Variants in USP47 observed in about 807,000 individuals in gnomAD.
The protein encoded by USP47 is ubiquitin specific peptidase 47.
Under a neutral mutation model 165.1 loss-of-function variants are expected in USP47, and 35 were observed. That is an observed-to-expected ratio of 0.21 (90% CI 0.16 to 0.28). The LOEUF (loss-of-function observed/expected upper bound fraction) is 0.28. Among genes scored for constraint, USP47 ranks in the 10% least tolerant of loss-of-function variants. The pLI is 1.00. For synonymous variants in USP47, 531 were observed against 544.5 expected (o/e 0.98, Z 0.35); for missense variants, 1,277 against 1,607.4 (o/e 0.79, Z 3.52).
chr11:11,930,667 C>A, intron 13 of USP47, 29 bp from the exon 14 acceptor site: 1 of 1,521,394 alleles, frequency 6.6e-7, no homozygotes, highest in South Asian at 1.2e-5. Flanking sequence ...ACTTTTTGTC[C>A]TTATTAATCT....
Position 11,930,662 on chromosome 11 carries a change from T to G in USP47, c.1596-34T>G. ...AAGTGGAATCTTTTTAATCTACTTT[T>G]TGTCCTTATTAATCTTTTTTATGTT... is the stretch of plus-strand genomic sequence containing the variant. On this transcript the variant is annotated intron_variant, in intron 13 of 27. Transcript: ENST00000527733. 3 of 1,479,346 alleles carry G rather than the reference T, an allele frequency of 2.0e-6. No homozygotes were observed. In the East Asian group the frequency reaches 6.9e-5, roughly 34 times the overall value. The allele number at this position is 1,479,346 out of a possible 1,614,324, so 91.6% of individuals were successfully genotyped here. A position where few individuals can be genotyped will look rare whatever the true frequency, so the allele number is the denominator to read the frequency against.
intron 4 of USP47, among the ~76,000 whole-genome samples, chr11:11,896,599 C>T (rs895947499): frequency 1.3e-5 from 2 of 152,264 alleles, no homozygotes; most frequent in Admixed American, 6.5e-5. Flanking sequence ...ACACATTGCC[C>T]TCTCATGTGC....
intron 10 of USP47, among the ~76,000 whole-genome samples, chr11:11,922,185 A>C (rs73413229): frequency 0.062 from 9,415 of 152,028 alleles, 908 homozygotes; most frequent in African/African-American, 0.21. Flanking sequence ...TAAAGTAGAA[A>C]AGTATAATGT....
At chr11:11,867,143 C>T (rs1849734587) in intron 1 of USP47, among the ~76,000 whole-genome samples, 2 of 152,154 alleles carry the variant, frequency 1.3e-5, no homozygotes, top group Non-Finnish European at 2.9e-5. Flanking sequence ...GTGATGCGCC[C>T]ACCCGGCCCT....
At chr11:11,955,673 A>G (rs1856517648) in intron 27 of USP47, among the ~76,000 whole-genome samples, 1 of 152,246 alleles carries the variant, frequency 6.6e-6, no homozygotes, top group East Asian at 1.9e-4. Flanking sequence ...TAAAATTGCA[A>G]CAATGATGTC....
In USP47 at chr11:11,958,060, A is replaced by G. The variant is rs184696375; in HGVS notation, c.*1885A>G. 8.5e-5 allele frequency: 13 copies of G among 152,344 alleles called. No homozygotes were observed. Among genetic ancestry groups the G allele is most frequent in the Admixed American group, 8.5e-4 (13 of 15,300 alleles). 9.4% of individuals were successfully genotyped at this position (152,344 alleles called of 1,614,324 possible). A position where few individuals can be genotyped will look rare whatever the true frequency, so the allele number is the denominator to read the frequency against. ...GAGGACAGCTGTTTGGTTCTGATAC[A>G]GGCCTGCTTACTTGGGATGTAGGGT... On this transcript the variant is annotated 3_prime_UTR_variant, in exon 28 of 28. Transcript: ENST00000527733.
chr11:11,912,233 G>A (rs1853049935), intron 8 of USP47, among the ~76,000 whole-genome samples: 1 of 151,806 alleles, frequency 6.6e-6, no homozygotes, highest in Non-Finnish European at 1.5e-5. Flanking sequence ...CGAGAAATCA[G>A]TAACATTGAA....
intron 8 of USP47, among the ~76,000 whole-genome samples, chr11:11,913,239 A>G (rs1256929187): frequency 7.6e-6 from 1 of 132,208 alleles, no homozygotes. Flanking sequence ...ATGATTATCT[A>G]TGTAGAAAAT....
chr11:11,876,774 A>G (rs1174029929), intron 1 of USP47, among the ~76,000 whole-genome samples: 4 of 152,190 alleles, frequency 2.6e-5, no homozygotes, highest in Non-Finnish European at 5.9e-5. Context: ...GCTGGGTTAT[A>G]AGAGGGAATG....
intron 1 of USP47, among the ~76,000 whole-genome samples, chr11:11,845,629 C>G (rs990232459): frequency 1.3e-5 from 2 of 152,122 alleles, no homozygotes; most frequent in African/African-American, 2.4e-5. Flanking sequence ...AGGTTTAAGA[C>G]AGTGTCTTTC....
chr11:11,940,641 C>A, intron 19 of USP47, 93 bp downstream of exon 19: 3 of 1,323,926 alleles, frequency 2.3e-6, no homozygotes, highest in Non-Finnish European at 3.1e-6. Flanking sequence ...CACAGCTGTT[C>A]AACATCTGTC....
Position 11,956,122 on chromosome 11 carries a change from G to A in USP47, c.4015G>A (p.Ala1339Thr), listed in dbSNP as rs1453231155. The A allele has an allele frequency of 6.2e-7, 1 of 1,613,918 alleles. No homozygotes were observed. Residue 1339 changes from alanine to threonine, a missense_variant, in exon 28 of 28, where the codon GCA (alanine) becomes ACA (threonine). Physicochemically the swap from Ala to Thr is moderately conservative, Grantham distance 58. Coordinates refer to ENST00000527733, the MANE Select transcript of USP47 (RefSeq NM_001282659.2). The part of the protein sequence containing the change: ...RVTYSPRKEK[A>T]LKIYLDGAPN... Reference sequence around the variant, plus strand: ...AACATACTCACCTCGTAAAGAGAAAGCACTAAAAATATATCTGGATGGAGC... The same window carrying A: ...AACATACTCACCTCGTAAAGAGAAAACACTAAAAATATATCTGGATGGAGC...
chr11:11,954,085 A>G (rs1461411147), intron 25 of USP47, among the ~76,000 whole-genome samples: 1 of 151,990 alleles, frequency 6.6e-6, no homozygotes, highest in Non-Finnish European at 1.5e-5. Context: ...CCCTGTGTCT[A>G]CTAAAAATAC....
chr11:11,918,872 C>G (rs914531886), intron 8 of USP47, among the ~76,000 whole-genome samples: 5 of 151,888 alleles, frequency 3.3e-5, no homozygotes, highest in Non-Finnish European at 5.9e-5. Context: ...TAGTATCAGT[C>G]TGTGTTAAGC....
intron 12 of USP47, 75 bp from the exon 13 acceptor site, chr11:11,929,969 A>C: frequency 1.7e-6 from 2 of 1,190,706 alleles, no homozygotes; most frequent in Non-Finnish European, 2.5e-6. Flanking sequence ...CTGAGGCTAA[A>C]GATTGAGTTA....
At chr11:11,891,841 G>T in intron 3 of USP47, 127 bp from the exon 4 acceptor site, 2 of 1,151,768 alleles carry the variant, frequency 1.7e-6, no homozygotes, top group East Asian at 2.7e-5. Context: ...CTTTGGAAGG[G>T]GGCATGAGCA....
chr11:11,948,679 C>A, intron 22 of USP47, 121 bp downstream of exon 22: 1 of 872,072 alleles, frequency 1.1e-6, no homozygotes, highest in Non-Finnish European at 1.8e-6. Context: ...TTTTTCTGGG[C>A]CTTGCAGTTT....
chr11:11,874,885 A>T (rs1850289776), intron 1 of USP47, among the ~76,000 whole-genome samples: 1 of 152,098 alleles, frequency 6.6e-6, no homozygotes, highest in Admixed American at 6.6e-5. Context: ...AATTTCAACC[A>T]ACAAAAATAT....
At chr11:11,907,145 G>T (rs1392439282) in intron 8 of USP47, among the ~76,000 whole-genome samples, 3 of 152,112 alleles carry the variant, frequency 2.0e-5, no homozygotes, top group Non-Finnish European at 4.4e-5. Context: ...ACTCTCTTAA[G>T]TATATTAATA....
Sources: gnomAD v4.1 joint callset for allele counts (sites outside exome capture counted in the v4.1 genomes callset) on GRCh38, gnomAD v4.1.1 for gene constraint, MANE v1.5 for transcripts, NCBI Gene and HGNC (gene_info 2026-07-23, HGNC 2026-07-21) for gene names.